ADARB2: variants seen among roughly 807,000 people sequenced by gnomAD.
The protein encoded by ADARB2 is adenosine deaminase RNA specific B2 (inactive), also known as inactive double-stranded RNA-specific editase B2.
Under a neutral mutation model 62.2 loss-of-function variants are expected in ADARB2, and 25 were observed. The observed-to-expected ratio is 0.40, with a 90% CI of 0.29 to 0.56. The LOEUF (loss-of-function observed/expected upper bound fraction) is 0.56, where lower values mean the gene tolerates loss of function less well. Among genes scored for constraint, ADARB2 ranks in the 20% least tolerant of loss-of-function variants. The pLI, the probability that ADARB2 is intolerant of heterozygous loss-of-function variation, is 0.43. For synonymous variants in ADARB2, 572 were observed against 500.8 expected, an observed-to-expected ratio of 1.14 and a Z score of -1.90; for missense variants, 1,071 against 1,077.4, an observed-to-expected ratio of 0.99 and a Z score of 0.08.
intron 1 of ADARB2, among the ~76,000 whole-genome samples, chr10:1,532,166 G>A (rs544718970): frequency 1.4e-4 from 21 of 151,916 alleles, no homozygotes; most frequent in African/African-American, 3.6e-4. Context: ...GAAGACAGAC[G>A]GTTCTGTGAT....
At chr10:1,577,206 G>T (rs1404206319) in intron 1 of ADARB2, among the ~76,000 whole-genome samples, 3 of 145,344 alleles carry the variant, frequency 2.1e-5, no homozygotes, top group African/African-American at 7.7e-5. Context: ...CACACAGGTG[G>T]TGGGTGGAAA....
chr10:1,506,424 T>C (rs1286503135), intron 1 of ADARB2, among the ~76,000 whole-genome samples: 8 of 152,182 alleles, frequency 5.3e-5, no homozygotes, highest in African/African-American at 1.7e-4. Context: ...CCCACTACGG[T>C]ATTTGCATAT....
intron 1 of ADARB2, among the ~76,000 whole-genome samples, chr10:1,438,761 C>T (rs1306683979): frequency 3.2e-3 from 423 of 132,100 alleles, no homozygotes; most frequent in South Asian, 7.9e-3. Context: ...CTATGGGGCT[C>T]CTGAGTCTCT....
rs775057386 is a variant in ADARB2 at position 1,528,876 on chromosome 10, G to C, written c.101-149716C>G. Among the ~76,000 whole-genome samples the C allele has an allele frequency of 1.1e-3, 170 of 152,294 alleles. 4 individuals are homozygous for C. Among genetic ancestry groups the C allele is most frequent in the Admixed American group, 1.3e-3 (20 of 15,298 alleles). ...TACCCAGTGGCATGTGGTCCCAAGC[G>C]GGATCTGCCCTCTATGAGCTCCAGA... On this transcript the variant is annotated intron_variant, in intron 1 of 9. Transcript: ENST00000381312.
At chr10:1,698,705 G>A (rs554023973) in intron 1 of ADARB2, among the ~76,000 whole-genome samples, 5 of 151,340 alleles carry the variant, frequency 3.3e-5, no homozygotes, top group East Asian at 1.9e-4. Flanking sequence ...AGACTTAATT[G>A]TAATAAAAAC....
rs1009942294 is a variant in ADARB2 at position 1,480,132 on chromosome 10, C to T, written c.101-100972G>A. Among the ~76,000 whole-genome samples the T allele has an allele frequency of 4.0e-5, 6 of 151,614 alleles. No individual in the cohort carries two copies. In the South Asian group the frequency reaches 1.0e-3, roughly 26 times the overall value. On this transcript the variant is annotated intron_variant, in intron 1 of 9. Coordinates refer to ENST00000381312, the MANE Select transcript of ADARB2 (RefSeq NM_018702.4). ...AGAAAGCTTTTCCTCTAGAACAGGA[C>T]AAAGAGAAAGATACTTTACCACTTT...
At chr10:1,422,174 C>T (rs747555858) in intron 1 of ADARB2, among the ~76,000 whole-genome samples, 5 of 152,154 alleles carry the variant, frequency 3.3e-5, no homozygotes, top group African/African-American at 7.2e-5. Flanking sequence ...AGAACGGGGA[C>T]GTCAAGGTAC....
chr10:1,515,914 C>T (rs1174475718), intron 1 of ADARB2, among the ~76,000 whole-genome samples: 1 of 152,228 alleles, frequency 6.6e-6, no homozygotes, highest in Non-Finnish European at 1.5e-5. Flanking sequence ...ACTATCACCT[C>T]TCCAAATTCT....
At chr10:1,707,013 G>T (rs1011928367) in intron 1 of ADARB2, among the ~76,000 whole-genome samples, 1 of 152,176 alleles carries the variant, frequency 6.6e-6, no homozygotes, top group African/African-American at 2.4e-5. Context: ...TCAGGTACCC[G>T]GTCCAGAGTG....
intron 7 of ADARB2, 192 bp downstream of exon 7, chr10:1,216,759 G>C: frequency 1.3e-6 from 1 of 741,186 alleles, no homozygotes; most frequent in Non-Finnish European, 2.1e-6. Flanking sequence ...TCAGGGACTC[G>C]GGGTGCCTTG....
intron 2 of ADARB2, among the ~76,000 whole-genome samples, chr10:1,377,995 A>C (rs1394574086): frequency 6.6e-6 from 1 of 151,926 alleles, no homozygotes; most frequent in Admixed American, 6.6e-5. Flanking sequence ...TCCCAGGGTC[A>C]CCTCGCCTCC....
intron 1 of ADARB2, among the ~76,000 whole-genome samples, chr10:1,604,823 C>T (rs898353933): frequency 6.6e-6 from 1 of 152,188 alleles, no homozygotes; most frequent in African/African-American, 2.4e-5. Flanking sequence ...GGGCACCCAA[C>T]CACTTCTCGT....
At chr10:1,570,601 C>T (rs570103887) in intron 1 of ADARB2, among the ~76,000 whole-genome samples, 1 of 152,336 alleles carries the variant, frequency 6.6e-6, no homozygotes, top group African/African-American at 2.4e-5. Flanking sequence ...CATCATTTCT[C>T]TCACCAGAGA....
intron 1 of ADARB2, among the ~76,000 whole-genome samples, chr10:1,666,124 G>C (rs1588344695): frequency 6.6e-6 from 1 of 152,342 alleles, no homozygotes; most frequent in South Asian, 2.1e-4. Context: ...AGGAGTAGAG[G>C]AGATGGCACC....
Position 1,363,182 on chromosome 10 carries a change from A to G in ADARB2, c.923T>C (p.Met308Thr). The change falls in exon 3 of 10, where the codon ATG (methionine) becomes ACG (threonine). Residue 308 changes from methionine (M) to threonine (T), a missense_variant. Coordinates refer to ENST00000381312, the MANE Select transcript of ADARB2 (RefSeq NM_018702.4). ...PAERRARSFV[M>T]AVSVDGRTFE... ...CGTCCTGCCGTCCACGCTCACGGCC[A>G]TCACGAAGCTCCGCGCGCGCCGCTC... The G allele has an allele frequency of 1.3e-6, 2 of 1,525,616 alleles. No individual in the cohort carries two copies. Among genetic ancestry groups the G allele is most frequent in the Non-Finnish European group, 1.7e-6 (2 of 1,143,918 alleles). The allele number at this position is 1,525,616 out of a possible 1,614,324, so 94.5% of individuals were successfully genotyped here.
At chr10:1,267,072 A>C (rs755507969) in intron 4 of ADARB2, among the ~76,000 whole-genome samples, 11 of 151,972 alleles carry the variant, frequency 7.2e-5, no homozygotes, top group Non-Finnish European at 1.5e-4. Flanking sequence ...AAAACTATAC[A>C]AATAGCTTAA....
At chr10:1,297,258 G>A (rs1408559221) in intron 3 of ADARB2, among the ~76,000 whole-genome samples, 2 of 152,116 alleles carry the variant, frequency 1.3e-5, no homozygotes, top group African/African-American at 4.8e-5. Context: ...TCGGCCTTGG[G>A]TATGGAGGGA....
intron 1 of ADARB2, among the ~76,000 whole-genome samples, chr10:1,507,830 A>G (rs1252371925): frequency 6.6e-6 from 1 of 152,158 alleles, no homozygotes. Flanking sequence ...AAGAGCTGGG[A>G]GCAGCCAGCC....
At chr10:1,499,930 A>G (rs1831743672) in intron 1 of ADARB2, among the ~76,000 whole-genome samples, 1 of 152,228 alleles carries the variant, frequency 6.6e-6, no homozygotes, top group Non-Finnish European at 1.5e-5. Flanking sequence ...CTCAACACTC[A>G]GTCACCAATA....
Sources: allele counts gnomAD v4.1 joint callset (sites outside exome capture counted in the v4.1 genomes callset), GRCh38; gene constraint gnomAD v4.1.1; transcripts MANE v1.5; gene names NCBI Gene and HGNC (gene_info 2026-07-23, HGNC 2026-07-21).